COL5A2: variants seen among roughly 807,000 people sequenced by gnomAD.
COL5A2 encodes the protein collagen alpha-2(V) chain.
A neutral mutation model predicts 208.2 loss-of-function variants in COL5A2; 23 were observed. The ratio of observed to expected loss-of-function variants is 0.11; its 90% CI spans 0.08 to 0.16. The LOEUF (loss-of-function observed/expected upper bound fraction) is 0.16, where lower values mean the gene tolerates loss of function less well. COL5A2 is among the 10% of genes least tolerant of loss of function. The pLI, the probability that COL5A2 is intolerant of heterozygous loss-of-function variation, is 1.00. For synonymous variants in COL5A2, 625 were observed against 628.5 expected, an observed-to-expected ratio of 0.99 and a Z score of 0.08; for missense variants, 1,590 against 1,956.4, an observed-to-expected ratio of 0.81 and a Z score of 3.53.
the COL5A2 span, among the ~76,000 whole-genome samples, chr2:189,373,734 G>A: frequency 6.6e-5 from 10 of 152,246 alleles, no homozygotes; most frequent in Non-Finnish European, 1.3e-4. Flanking sequence ...ACTAAATCCA[G>A]TATGAGAAAC....
chr2:189,306,637 G>T, the COL5A2 span, among the ~76,000 whole-genome samples: 1 of 152,162 alleles, frequency 6.6e-6, no homozygotes, highest in African/African-American at 2.4e-5. Context: ...ATTAATGTTA[G>T]CTTGTTTTTA....
intron 15 of COL5A2, 143 bp downstream of exon 15, chr2:189,078,920 C>G: frequency 2.8e-6 from 2 of 723,366 alleles, no homozygotes; most frequent in South Asian, 3.4e-5. Flanking sequence ...GCTTGTCTAT[C>G]AGCTGGTAAT....
At chr2:189,168,447 A>AT (rs1688512926) in intron 1 of COL5A2, among the ~76,000 whole-genome samples, 1 of 152,020 alleles carries the variant, frequency 6.6e-6, no homozygotes, top group Non-Finnish European at 1.5e-5. Flanking sequence ...CTTCACCAAA[A>AT]ATTCTGGCTG....
At chr2:189,391,862 CT>C in the COL5A2 span, among the ~76,000 whole-genome samples, 3 of 152,006 alleles carry the variant, frequency 2.0e-5, no homozygotes, top group Non-Finnish European at 2.9e-5. Flanking sequence ...GCCCTTAGTT[CT>C]TTCCTTTGGA....
the COL5A2 span, among the ~76,000 whole-genome samples, chr2:189,381,289 T>C: frequency 2.0e-5 from 3 of 151,964 alleles, no homozygotes; most frequent in Non-Finnish European, 4.4e-5. Context: ...GAAACATCTA[T>C]CAGAAGCTTA....
intron 1 of COL5A2, among the ~76,000 whole-genome samples, chr2:189,111,127 A>G (rs1687251369): frequency 6.6e-6 from 1 of 152,140 alleles, no homozygotes. Context: ...TAATTAAGGA[A>G]AACCATAGCC....
At chr2:189,104,162 T>C (rs1687105576) in intron 3 of COL5A2, 102 bp downstream of exon 3, 1 of 855,052 alleles carries the variant, frequency 1.2e-6, no homozygotes, top group Admixed American at 1.7e-5. Context: ...TGGTACTTTG[T>C]ACTTTTCAAA....
At chr2:189,162,564 T>C (rs935267310) in intron 1 of COL5A2, among the ~76,000 whole-genome samples, 2 of 152,222 alleles carry the variant, frequency 1.3e-5, no homozygotes, top group African/African-American at 4.8e-5. Context: ...ATGACCAAAG[T>C]ATACCTCATT....
chr2:189,156,220 A>G lies in COL5A2; in HGVS notation c.97+23288T>C, dbSNP rs116695789. Among the ~76,000 whole-genome samples the G allele has an allele frequency of 3.7e-3, 560 of 152,270 alleles. 5 individuals are homozygous for G. Among genetic ancestry groups the G allele is most frequent in the African/African-American group, 0.013 (530 of 41,558 alleles). On this transcript the variant is annotated intron_variant, in intron 1 of 53. Transcript: ENST00000374866. Reference sequence around the variant, plus strand: ...ATGGACATCTTTGGGGATGGCCATTATTTTGCCATTCACACCCTGCAGTAG... The same window carrying G: ...ATGGACATCTTTGGGGATGGCCATTGTTTTGCCATTCACACCCTGCAGTAG...
At chr2:189,035,499 G>C (rs1389518639) in intron 52 of COL5A2, among the ~76,000 whole-genome samples, 1 of 151,774 alleles carries the variant, frequency 6.6e-6, no homozygotes. Context: ...GAATTAACTA[G>C]TAGTATAAAA....
chr2:189,239,579 T>G, the COL5A2 span, among the ~76,000 whole-genome samples: 85 of 123,686 alleles, frequency 6.9e-4, no homozygotes, highest in South Asian at 0.02. Context: ...TGAGAACACA[T>G]GGACACAGGA....
At chr2:189,180,066 C>G (rs965963192), upstream of COL5A2, among the ~76,000 whole-genome samples, 5 of 152,086 alleles carry the variant, frequency 3.3e-5, no homozygotes, top group South Asian at 2.1e-4. Context: ...ACCCTTCCCC[C>G]CAGACACACA....
the COL5A2 span, among the ~76,000 whole-genome samples, chr2:189,250,385 T>C: frequency 6.6e-6 from 1 of 152,160 alleles, no homozygotes; most frequent in African/African-American, 2.4e-5. Flanking sequence ...CCCAGACAAT[T>C]TGACTTCATA....
chr2:189,097,522 G>T, intron 5 of COL5A2, 192 bp from the exon 6 acceptor site: 2 of 696,982 alleles, frequency 2.9e-6, no homozygotes. Context: ...TATGTTATCA[G>T]TGACATTTAA....
the COL5A2 span, among the ~76,000 whole-genome samples, chr2:189,282,182 T>C: frequency 1.3e-5 from 2 of 151,992 alleles, no homozygotes; most frequent in Non-Finnish European, 2.9e-5. Flanking sequence ...CAAGACTCCA[T>C]CTCAAGTATA....
the COL5A2 span, among the ~76,000 whole-genome samples, chr2:189,433,321 TAACTAAG>T: frequency 6.6e-6 from 1 of 151,698 alleles, no homozygotes; most frequent in Non-Finnish European, 1.5e-5. Context: ...AGGCAAGAAA[TAACTAAG>T]ATCAGAGCAG....
At chr2:189,197,046 A>G (rs1479294241) in intron 1 of COL5A2, among the ~76,000 whole-genome samples, 1 of 152,200 alleles carries the variant, frequency 6.6e-6, no homozygotes, top group African/African-American at 2.4e-5. Context: ...CATGGAACCA[A>G]CGCAAATGCC....
chr2:189,234,684 AT>A, the COL5A2 span, among the ~76,000 whole-genome samples: 1 of 151,748 alleles, frequency 6.6e-6, no homozygotes, highest in African/African-American at 2.4e-5. Flanking sequence ...TAAACATCTA[AT>A]TTTAGCTCCG....
At chr2:189,367,847 T>A in the COL5A2 span, among the ~76,000 whole-genome samples, 2 of 152,206 alleles carry the variant, frequency 1.3e-5, no homozygotes, top group Non-Finnish European at 2.9e-5. Context: ...TAAATTATAT[T>A]TCTATTATAA....
Sources: gnomAD v4.1 joint callset for allele counts (sites outside exome capture counted in the v4.1 genomes callset) on GRCh38, gnomAD v4.1.1 for gene constraint, MANE v1.5 for transcripts, NCBI Gene and HGNC (gene_info 2026-07-23, HGNC 2026-07-21) for gene names.